TMEM181: variants seen among roughly 807,000 people sequenced by gnomAD.
TMEM181 encodes transmembrane protein 181.
In TMEM181, 39 loss-of-function variants were observed where a neutral mutation model predicts 71.9. The observed-to-expected ratio is 0.54, with a 90% CI of 0.42 to 0.71. The LOEUF is 0.71. Among genes scored for constraint, TMEM181 ranks in the 30% least tolerant of loss-of-function variants. The pLI is 0.00. For synonymous variants in TMEM181, 245 were observed against 228.8 expected, an observed-to-expected ratio of 1.07 and a Z score of -0.64; for missense variants, 595 against 583.0, an observed-to-expected ratio of 1.02 and a Z score of -0.21.
upstream of TMEM181, chr6:158,560,044 C>T (rs1182111659): frequency 4.1e-6 from 4 of 985,134 alleles, no homozygotes; most frequent in Non-Finnish European, 4.8e-6. Flanking sequence ...CCCTCTTCCG[C>T]CGTGAGAGTC....
chr6:158,569,395 A>C (rs530136318), intron 1 of TMEM181, among the ~76,000 whole-genome samples: 2 of 152,322 alleles, frequency 1.3e-5, no homozygotes, highest in African/African-American at 4.8e-5. Flanking sequence ...TACCCAGCTT[A>C]CACTTGCTTA....
At chr6:158,625,904 A>G in intron 13 of TMEM181, 150 bp downstream of exon 13, 1 of 712,280 alleles carries the variant, frequency 1.4e-6, no homozygotes, top group South Asian at 1.6e-5. Flanking sequence ...AAGGCTGGGC[A>G]GCCGAGAGCA....
intron 16 of TMEM181, 44 bp downstream of exon 16, chr6:158,631,433 C>G: frequency 6.3e-7 from 1 of 1,591,992 alleles, no homozygotes; most frequent in Non-Finnish European, 8.6e-7. Flanking sequence ...TTGGGCATCC[C>G]GGCACGGCCT....
At chr6:158,543,930 C>T (rs929154458) in intron 1 of TMEM181, among the ~76,000 whole-genome samples, 2 of 152,142 alleles carry the variant, frequency 1.3e-5, no homozygotes. Flanking sequence ...GCGTAGCAGC[C>T]GAATGCTTGA....
At chr6:158,565,948 G>A (rs986848901) in intron 1 of TMEM181, among the ~76,000 whole-genome samples, 1 of 152,178 alleles carries the variant, frequency 6.6e-6, no homozygotes, top group African/African-American at 2.4e-5. Flanking sequence ...GACAGTTCCC[G>A]GCACCTCGAG....
At chr6:158,555,936 A>C (rs1019827375), upstream of TMEM181, among the ~76,000 whole-genome samples, 10 of 152,254 alleles carry the variant, frequency 6.6e-5, no homozygotes, top group African/African-American at 2.2e-4. Flanking sequence ...TAACTAAACC[A>C]AAATCAGTGT....
intron 6 of TMEM181, among the ~76,000 whole-genome samples, chr6:158,604,711 C>CAAAAGAAAG (rs1784850766): frequency 6.6e-6 from 1 of 152,160 alleles, no homozygotes; most frequent in Admixed American, 6.5e-5. Flanking sequence ...ACTTTTACAT[C>CAAAAGAAAG]TTTTAAAACT....
At chr6:158,608,176 AC>A (rs1380582872) in intron 8 of TMEM181, among the ~76,000 whole-genome samples, 156 bp from the exon 9 acceptor site, 3 of 151,558 alleles carry the variant, frequency 2.0e-5, no homozygotes, top group African/African-American at 7.3e-5. Context: ...CTAGGTGCTG[AC>A]CCCGCACAGG....
At chr6:158,580,730 G>T (rs1445127178) in intron 2 of TMEM181, among the ~76,000 whole-genome samples, 2 of 152,140 alleles carry the variant, frequency 1.3e-5, no homozygotes, top group African/African-American at 4.8e-5. Context: ...ACTTGTGTTG[G>T]GAAGTCGTGA....
intron 11 of TMEM181, among the ~76,000 whole-genome samples, chr6:158,624,787 G>A (rs4709238): frequency 0.3 from 46,190 of 152,144 alleles, 7,486 homozygotes; most frequent in East Asian, 0.66. Context: ...TCGCCCCCAG[G>A]GGCGAGAGAG....
rs771140874 is a variant in TMEM181 at position 158,605,339 on chromosome 6, A to G, written c.565A>G (p.Ile189Val). ...FRFFFVVLTF[I>V]VTCLFAHSLR... ...GTTTTTCTTTGTGGTGCTCACCTTC[A>G]TCGTCACTGTGAGTACCATTCGCCT... The change falls in exon 7 of 17, where the codon ATC becomes GTC. Residue 189 changes from isoleucine to valine, a missense_variant. By Grantham distance (29) the Ile-to-Val change is conservative. Coordinates refer to ENST00000684151, the MANE Select transcript of TMEM181 (RefSeq NM_001376852.1). 6 of 1,613,962 alleles carry G rather than the reference A, an allele frequency of 3.7e-6. No homozygotes were observed. Among genetic ancestry groups the G allele is most frequent in the East Asian group, 2.2e-5 (1 of 44,886 alleles).
intron 6 of TMEM181, among the ~76,000 whole-genome samples, chr6:158,601,864 TC>T: frequency 6.6e-6 from 1 of 152,128 alleles, no homozygotes; most frequent in Non-Finnish European, 1.5e-5. Flanking sequence ...TGAGATTAAG[TC>T]ATTTGCCCAA....
At chr6:158,564,797 A>C (rs1782392032) in intron 1 of TMEM181, among the ~76,000 whole-genome samples, 2 of 152,204 alleles carry the variant, frequency 1.3e-5, no homozygotes, top group Non-Finnish European at 2.9e-5. Context: ...ACAGGCCGGC[A>C]TTTTGGGCCA....
intron 2 of TMEM181, among the ~76,000 whole-genome samples, chr6:158,579,136 G>A (rs1373056482): frequency 2.6e-5 from 4 of 152,122 alleles, no homozygotes; most frequent in Admixed American, 2.6e-4. Context: ...GTGCATGCCT[G>A]TAATCCCAGC....
In TMEM181 at chr6:158,543,018, G is replaced by A. The variant is rs1403301961; in HGVS notation, c.131+6153G>A. 3.3e-5 allele frequency among the ~76,000 whole-genome samples: 5 copies of A among 151,428 alleles called. No homozygotes were observed. In the East Asian group the frequency reaches 9.7e-4, roughly 29 times the overall value. On this transcript the variant is annotated intron_variant, in intron 1 of 16. Transcript: ENST00000367090. ...AGCCTCCCGAGTAGCTGGGACTACA[G>A]GTGCGTGCCACCACGCCTGGCTAAT...
chr6:158,628,389 GCTCCTCTGT>G lies in TMEM181; in HGVS notation c.1110-16_1110-8del. 2 of 1,613,436 alleles carry G rather than the reference GCTCCTCTGT, an allele frequency of 1.2e-6. No homozygotes were observed. The highest frequency in any genetic ancestry group is 1.7e-6 in the Non-Finnish European group (2 of 1,179,468). On this transcript the variant is annotated splice_polypyrimidine_tract_variant and intron_variant, in intron 13 of 16. Coordinates refer to ENST00000684151, the MANE Select transcript of TMEM181 (RefSeq NM_001376852.1). The stretch of plus-strand genomic sequence containing the variant: ...TCGTGCATGTTTACATATTGTCTCT[GCTCCTCTGT>G]CTTGTTCAGCATCGCCATCCTTTAT...
intron 6 of TMEM181, among the ~76,000 whole-genome samples, chr6:158,602,889 C>T (rs1784744091): frequency 6.6e-6 from 1 of 152,158 alleles, no homozygotes; most frequent in Admixed American, 6.5e-5. Context: ...GCCTAATTTA[C>T]ATACTTTGAA....
intron 5 of TMEM181, among the ~76,000 whole-genome samples, chr6:158,585,949 C>T (rs140780429): frequency 3.3e-3 from 500 of 152,298 alleles, no homozygotes; most frequent in African/African-American, 0.011. Context: ...CTTAACTTCC[C>T]AAGTAACTGG....
rs896038874 is a variant in TMEM181 at position 158,628,222 on chromosome 6, C to T, written c.1110-186C>T. The T allele has an allele frequency of 1.7e-4, 124 of 710,842 alleles. No homozygotes were observed. In the East Asian group the frequency reaches 3.3e-3, roughly 19 times the overall value. 44.0% of individuals were successfully genotyped at this position (710,842 alleles called of 1,614,324 possible). A position where few individuals can be genotyped will look rare whatever the true frequency, so the allele number is the denominator to read the frequency against. ...TAGATCCGAGACCAAAAACCAGAAGCAGGGGCTGTGTGTGTGTGTGCATGT... is the reference window on the plus strand; with the variant it reads ...TAGATCCGAGACCAAAAACCAGAAGTAGGGGCTGTGTGTGTGTGTGCATGT... On this transcript the variant is annotated intron_variant, in intron 13 of 16. Coordinates refer to ENST00000684151, the MANE Select transcript of TMEM181 (RefSeq NM_001376852.1).
Sources: allele counts gnomAD v4.1 joint callset (sites outside exome capture counted in the v4.1 genomes callset), GRCh38; gene constraint gnomAD v4.1.1; transcripts MANE v1.5; gene names NCBI Gene and HGNC (gene_info 2026-07-23, HGNC 2026-07-21).